Variants in SLC5A10 observed in about 807,000 individuals in gnomAD.
SLC5A10 encodes solute carrier family 5 member 10, also known as sodium/mannose cotransporter SLC5A10.
SLC5A10 carries 55 observed loss-of-function variants against 68.9 expected under a neutral mutation model. The observed-to-expected ratio is 0.80, with a 90% confidence interval of 0.64 to 1.00. The LOEUF (loss-of-function observed/expected upper bound fraction) is 1.00, where lower values mean the gene tolerates loss of function less well. Among genes scored for constraint, SLC5A10 ranks in the 50% least tolerant of loss-of-function variants. The pLI is 0.00. For missense variants in SLC5A10, 732 were observed against 819.3 expected (o/e 0.89, Z 1.30); for synonymous variants, 344 against 344.8 (o/e 1.00, Z 0.02).
At chr17:18,969,299 C>T (rs2151999690) in intron 6 of SLC5A10, 43 bp from the exon 7 acceptor site, 7 of 1,601,356 alleles carry the variant, frequency 4.4e-6, no homozygotes, top group Non-Finnish European at 6.0e-6. Flanking sequence ...TCCCTCCTCC[C>T]TGGGGCCAGG....
At chr17:18,959,304 AG>A (rs1597815147) in intron 3 of SLC5A10, 65 bp downstream of exon 3, 2 of 1,510,186 alleles carry the variant, frequency 1.3e-6, no homozygotes, top group East Asian at 2.3e-5. Flanking sequence ...GCAGCACTGG[AG>A]GGGGACAGCT....
At chr17:18,979,288 A>G (rs1472342167) in intron 9 of SLC5A10, 1 of 519,040 alleles carries the variant, frequency 1.9e-6, no homozygotes, top group Admixed American at 3.3e-5. Flanking sequence ...TGACCCCCAT[A>G]GGCTTGCGAA....
intron 7 of SLC5A10, 99 bp from the exon 8 acceptor site, chr17:18,970,914 G>A (rs1367727124): frequency 5.5e-6 from 6 of 1,099,456 alleles, no homozygotes; most frequent in Non-Finnish European, 6.8e-6. Flanking sequence ...CAAGTTTGAT[G>A]CATCAGGAAG....
chr17:19,020,037 GC>G, intron 13 of SLC5A10, 109 bp downstream of exon 13: 3 of 1,432,622 alleles, frequency 2.1e-6, no homozygotes, highest in Non-Finnish European at 2.9e-6. Flanking sequence ...GGACTACCTA[GC>G]CCCGTCCCTT....
At chr17:19,006,284 G>A (rs1025625402) in intron 9 of SLC5A10, among the ~76,000 whole-genome samples, 3 of 152,178 alleles carry the variant, frequency 2.0e-5, no homozygotes, top group African/African-American at 7.2e-5. Context: ...CTGGAGTGCA[G>A]TGGTATGTAC....
intron 9 of SLC5A10, among the ~76,000 whole-genome samples, chr17:18,981,454 T>A (rs1193390680): frequency 6.6e-6 from 1 of 152,120 alleles, no homozygotes; most frequent in Non-Finnish European, 1.5e-5. Context: ...GCAAGAGCGA[T>A]GGGGTTGGGT....
At chr17:19,012,376 G>A (rs1194356639) in intron 9 of SLC5A10, among the ~76,000 whole-genome samples, 1 of 152,248 alleles carries the variant, frequency 6.6e-6, no homozygotes, top group African/African-American at 2.4e-5. Flanking sequence ...CTGAGCCTGG[G>A]AAATTCGTGA....
At chr17:19,009,141 G>A (rs1009026634) in intron 9 of SLC5A10, among the ~76,000 whole-genome samples, 1 of 151,940 alleles carries the variant, frequency 6.6e-6, no homozygotes, top group African/African-American at 2.4e-5. Context: ...AATCACTCAA[G>A]ATCTTACAGC....
intron 9 of SLC5A10, among the ~76,000 whole-genome samples, chr17:19,010,182 C>T (rs962468872): frequency 2.6e-5 from 4 of 151,736 alleles, no homozygotes; most frequent in Non-Finnish European, 5.9e-5. Flanking sequence ...GTTCCCTTTG[C>T]TTGCTTGCAG....
At position 19,015,127 on chromosome 17, in the gene SLC5A10, C is replaced by T; in HGVS notation, c.1169C>T (p.Thr390Ile). ...SLTSIFNSSS[T>I]LFTMDIWRRL... ...ACCTCCATCTTCAACAGCAGCAGCA[C>T]CCTCTTCACTATGGACATCTGGAGG... is the stretch of plus-strand genomic sequence containing the variant. The change falls in exon 11 of 15, where the codon ACC (threonine) becomes ATC (isoleucine). Residue 390 changes from threonine to isoleucine, a missense_variant. Thr to Ile is a moderately conservative substitution (Grantham distance 89). Coordinates refer to ENST00000395645, the MANE Select transcript of SLC5A10 (RefSeq NM_001042450.4). The T allele has an allele frequency of 6.3e-7, 1 of 1,588,454 alleles. No homozygotes were observed.
At chr17:18,979,228 TGTG>T (rs1262709001) in intron 9 of SLC5A10, 3 of 465,064 alleles carry the variant, frequency 6.5e-6, no homozygotes, top group East Asian at 4.0e-5. Flanking sequence ...CCATGCCCCA[TGTG>T]GTGGTGCCCA....
intron 9 of SLC5A10, among the ~76,000 whole-genome samples, chr17:18,993,726 C>T (rs949100649): frequency 1.3e-5 from 2 of 152,136 alleles, no homozygotes; most frequent in South Asian, 2.1e-4. Context: ...TCTTGGGGTT[C>T]GTTATTCTCC....
In SLC5A10 at chr17:19,003,426, T is replaced by C. The variant is rs1170321466; in HGVS notation, c.983-9984T>C. The C allele has an allele frequency of 1.3e-5, 18 of 1,335,830 alleles. No homozygotes were observed. In the Admixed American group the frequency reaches 3.1e-4, roughly 23 times the overall value. 82.7% of individuals were successfully genotyped at this position (1,335,830 alleles called of 1,614,324 possible). On this transcript the variant is annotated intron_variant, in intron 9 of 14. Transcript: ENST00000395645. The surrounding 1 kb of genome is among the most constrained non-coding windows in gnomAD (Gnocchi z 4.5). ...CAGCAGAGATCCCTAGAAGCCCATG[T>C]TGGGCTCCCGTTTTGGGCTCTGAGT...
rs1257110997 is a variant in SLC5A10, at chr17:19,020,693, G to A, written c.*262G>A. ...TTAGATTTCTGACGGACATCCTGAT[G>A]TTGGTTTTACTGTTTTCGTTTTGAA... On this transcript the variant is annotated 3_prime_UTR_variant, in exon 15 of 15. Coordinates refer to ENST00000395645, the MANE Select transcript of SLC5A10 (RefSeq NM_001042450.4). 2 of 526,064 alleles carry A rather than the reference G, an allele frequency of 3.8e-6. No homozygotes were observed. The highest frequency in any genetic ancestry group is 3.8e-5 in the African/African-American group (2 of 52,456). The allele number at this position is 526,064 out of a possible 1,614,324, so 32.6% of individuals were successfully genotyped here.
chr17:18,982,634 G>T (rs935411608), intron 9 of SLC5A10, among the ~76,000 whole-genome samples: 3 of 152,190 alleles, frequency 2.0e-5, no homozygotes, highest in African/African-American at 7.2e-5. Context: ...GGGTGGCAAG[G>T]CAAGGTGGGG....
At chr17:18,952,798 AG>A (rs2042399043) in intron 1 of SLC5A10, among the ~76,000 whole-genome samples, 1 of 152,176 alleles carries the variant, frequency 6.6e-6, no homozygotes, top group Admixed American at 6.5e-5. Flanking sequence ...GCCTAGCCCT[AG>A]ATCATAAGCC....
chr17:18,979,247 C>T lies in SLC5A10; in HGVS notation c.982+2258C>T, dbSNP rs1340470991. On this transcript the variant is annotated intron_variant, in intron 9 of 14. Coordinates refer to ENST00000395645, the MANE Select transcript of SLC5A10 (RefSeq NM_001042450.4). ...GCCCCATGTGGTGGTGCCCACAGAGCTGGCCCCATCCCTAAGGACGGCTCT... is the reference window on the plus strand; with the variant it reads ...GCCCCATGTGGTGGTGCCCACAGAGTTGGCCCCATCCCTAAGGACGGCTCT... The T allele has an allele frequency of 1.3e-5, 6 of 479,730 alleles. No individual in the cohort carries two copies. In the Admixed American group the frequency reaches 2.1e-4, roughly 17 times the overall value. 29.7% of individuals were successfully genotyped at this position (479,730 alleles called of 1,614,324 possible). A position where few individuals can be genotyped will look rare whatever the true frequency, so the allele number is the denominator to read the frequency against.
At chr17:18,954,662 G>T (rs1439185185) in intron 1 of SLC5A10, among the ~76,000 whole-genome samples, 2 of 152,224 alleles carry the variant, frequency 1.3e-5, no homozygotes, top group African/African-American at 4.8e-5. Flanking sequence ...GGGGCCGGGG[G>T]GAGGCCTTTA....
chr17:18,959,136 T>C lies in SLC5A10; in HGVS notation c.185T>C (p.Ile62Thr), dbSNP rs1401654974. The change falls in exon 3 of 15, where the codon ATT becomes ACT. Residue 62 changes from isoleucine (I) to threonine (T), a missense_variant and splice_region_variant. By Grantham distance (89) the Ile-to-Thr change is moderately conservative (BLOSUM62 -1). Coordinates refer to ENST00000395645, the MANE Select transcript of SLC5A10 (RefSeq NM_001042450.4). The stretch of plus-strand genomic sequence containing the variant: ...TGCGTTTCCCTTTCTCTCCTCCAGA[T>C]TGGAGCCTCCCTCTTCGCCAGCAGC... ...LAGRDMTWWP[I>T]GASLFASSEG... 1.9e-6 allele frequency: 3 copies of C among 1,609,260 alleles called. No individual in the cohort carries two copies. The highest frequency in any genetic ancestry group is 2.2e-5 in the South Asian group (2 of 90,988).
Sources: allele counts gnomAD v4.1 joint callset (sites outside exome capture counted in the v4.1 genomes callset), GRCh38; gene constraint gnomAD v4.1.1; non-coding constraint Gnocchi (gnomAD v3.1); transcripts MANE v1.5; gene names NCBI Gene and HGNC (gene_info 2026-07-23, HGNC 2026-07-21).